POGLUT3: variants seen among roughly 807,000 people sequenced by gnomAD.
POGLUT3 encodes KDEL (Lys-Asp-Glu-Leu) containing 2.
In POGLUT3, 48 loss-of-function variants were observed where a neutral mutation model predicts 54.3. That is an observed-to-expected ratio of 0.88 (90% CI 0.70 to 1.12). The LOEUF is 1.12. Among genes scored for constraint, POGLUT3 ranks in the 50% most tolerant of loss-of-function variants. The pLI, the probability that POGLUT3 is intolerant of heterozygous loss-of-function variation, is 0.00. For synonymous variants in POGLUT3, 218 were observed against 237.4 expected, an observed-to-expected ratio of 0.92 and a Z score of 0.75; for missense variants, 629 against 618.7, an observed-to-expected ratio of 1.02 and a Z score of -0.18.
chr11:108,479,183 C>T (rs1408789735), intron 6 of POGLUT3, 118 bp downstream of exon 6: 1 of 706,660 alleles, frequency 1.4e-6, no homozygotes, highest in Non-Finnish European at 2.2e-6. Context: ...ACAGCAATTT[C>T]AGAAAATAAT....
At chr11:108,477,841 T>C in intron 6 of POGLUT3, 130 bp from the exon 7 acceptor site, 1 of 685,372 alleles carries the variant, frequency 1.5e-6, no homozygotes, top group Non-Finnish European at 2.6e-6. Context: ...CATAATGGAA[T>C]TATAACTTAA....
At chr11:108,486,987 C>T (rs1022082949) in intron 2 of POGLUT3, 1 of 152,832 alleles carries the variant, frequency 6.5e-6, no homozygotes, top group African/African-American at 2.4e-5. Context: ...GTTGAACTGA[C>T]TCTTTAAGTC....
chr11:108,484,004 C>A (rs550451341), intron 3 of POGLUT3, among the ~76,000 whole-genome samples: 76 of 152,206 alleles, frequency 5.0e-4, no homozygotes, highest in Middle Eastern at 3.4e-3. Flanking sequence ...TAATAAACTC[C>A]ACATTGGAAG....
At chr11:108,477,142 C>T (rs1051924611) in intron 7 of POGLUT3, among the ~76,000 whole-genome samples, 1 of 152,138 alleles carries the variant, frequency 6.6e-6, no homozygotes, top group African/African-American at 2.4e-5. Context: ...TGGCTCACAC[C>T]TGTATCCCAG....
intron 7 of POGLUT3, 113 bp from the exon 8 acceptor site, chr11:108,475,065 C>G (rs2093578082): frequency 1.8e-6 from 2 of 1,093,932 alleles, no homozygotes; most frequent in Admixed American, 2.2e-5. Context: ...TGTGTGTCTG[C>G]AGACTAAAAC....
At chr11:108,493,944 A>G (rs572042090) in intron 1 of POGLUT3, among the ~76,000 whole-genome samples, 28 of 152,346 alleles carry the variant, frequency 1.8e-4, no homozygotes, top group African/African-American at 6.7e-4. Flanking sequence ...AAAGTGTTAC[A>G]TCATTAGAAT....
chr11:108,482,994 A>T (rs2093595831), intron 3 of POGLUT3, among the ~76,000 whole-genome samples: 1 of 151,880 alleles, frequency 6.6e-6, no homozygotes, highest in African/African-American at 2.4e-5. Flanking sequence ...GACTCTCATC[A>T]TTTCTTGCCT....
chr11:108,477,637 C>T lies in POGLUT3; in HGVS notation c.1368G>A (p.Arg456=). ...GTACTTGGTAATAGTAGCAGTAAAGCCTGTGTGGCTGTAGTAGGTCCCTAG... is the reference window on the plus strand; with the variant it reads ...GTACTTGGTAATAGTAGCAGTAAAGTCTGTGTGGCTGTAGTAGGTCCCTAG... ...LMARDLLQPH[R]LYCYYYQVLQ... is the part of the protein sequence containing the mutation. Residue 456 remains arginine (R), a synonymous_variant, in exon 7 of 8, where the codon AGG becomes AGA. Transcript: ENST00000323468. The T allele has an allele frequency of 6.2e-7, 1 of 1,612,568 alleles. No homozygotes were observed. The highest frequency in any genetic ancestry group is 8.5e-7 in the Non-Finnish European group (1 of 1,178,652).
chr11:108,475,454 G>GTTTTTTT (rs1182179068), intron 7 of POGLUT3, among the ~76,000 whole-genome samples: 4 of 109,350 alleles, frequency 3.7e-5, no homozygotes, highest in Non-Finnish European at 5.6e-5. Flanking sequence ...TATAAATGGA[G>GTTTTTTT]TTTTTTTTGT....
At position 108,479,435 on chromosome 11, in the gene POGLUT3, G is replaced by A; in HGVS notation, c.1159C>T (p.Leu387=). The part of the protein sequence containing the change: ...VAAYRYPYLM[L]GDSLVLKQDS... ...TGCTTTAAAACCAGACTGTCGCCCA[G>A]CATGAGATATGGATATCTGTAAGCA... The change falls in exon 6 of 8, where the codon CTG becomes TTG. Residue 387 remains leucine, a synonymous_variant. Transcript: ENST00000323468. 1.2e-6 allele frequency: 2 copies of A among 1,613,148 alleles called. No homozygotes were observed. The highest frequency in any genetic ancestry group is 2.2e-5 in the South Asian group (2 of 90,868).
intron 3 of POGLUT3, among the ~76,000 whole-genome samples, chr11:108,483,350 A>T (rs1431863442): frequency 1.3e-5 from 2 of 152,130 alleles, no homozygotes; most frequent in Non-Finnish European, 2.9e-5. Flanking sequence ...TACTTATTTA[A>T]CTTGGCAGTC....
intron 5 of POGLUT3, among the ~76,000 whole-genome samples, chr11:108,479,966 TG>T (rs1019667714): frequency 3.9e-5 from 6 of 152,240 alleles, no homozygotes; most frequent in African/African-American, 1.4e-4. Context: ...CCTGAGTAGC[TG>T]GGATTACAGG....
chr11:108,475,942 C>T (rs1259692795), intron 7 of POGLUT3, among the ~76,000 whole-genome samples: 3 of 151,878 alleles, frequency 2.0e-5, no homozygotes, highest in Non-Finnish European at 4.4e-5. Context: ...TGGAGAATCA[C>T]TTGAGGAACC....
chr11:108,482,803 T>C (rs1482037126), intron 3 of POGLUT3, among the ~76,000 whole-genome samples: 1 of 151,928 alleles, frequency 6.6e-6, no homozygotes, highest in Non-Finnish European at 1.5e-5. Flanking sequence ...GAAGTGAAAA[T>C]TGTGTAGAGA....
Position 108,491,033 on chromosome 11 carries a change from C to T in POGLUT3, c.337G>A (p.Gly113Ser), listed in dbSNP as rs1344037221. Residue 113 changes from glycine to serine, a missense_variant, in exon 2 of 8, where the codon GGC (glycine) becomes AGC (serine). Gly to Ser is a moderately conservative substitution (Grantham distance 56). Transcript: ENST00000323468. ...RYRMYETVDE[G>S]LKIEVLYGDE... ...CCATAAAGGACCTCTATCTTCAGGC[C>T]TTCATCGACAGTTTCATACATCCTA... 20 of 1,613,988 alleles carry T rather than the reference C, an allele frequency of 1.2e-5. No individual in the cohort carries two copies. The highest frequency in any genetic ancestry group is 1.6e-5 in the Non-Finnish European group (19 of 1,179,984).
At chr11:108,480,101 G>T (rs1294387487) in intron 5 of POGLUT3, among the ~76,000 whole-genome samples, 1 of 152,190 alleles carries the variant, frequency 6.6e-6, no homozygotes, top group Non-Finnish European at 1.5e-5. Flanking sequence ...CTCCCAAAGT[G>T]CTGGGATTAC....
At position 108,474,798 on chromosome 11, in the gene POGLUT3, G is replaced by A. The variant is rs777352252; in HGVS notation, c.*29C>T. 2 of 1,613,100 alleles carry A rather than the reference G, an allele frequency of 1.2e-6. No individual in the cohort carries two copies. The highest frequency in any genetic ancestry group is 1.7e-6 in the Non-Finnish European group (2 of 1,179,436). ...CAATCTTTCCTTAAAGTGTAGCCGG[G>A]ATACACAGGAGTGTGATTCTGGGCT... On this transcript the variant is annotated 3_prime_UTR_variant, in exon 8 of 8. Coordinates refer to ENST00000323468, the MANE Select transcript of POGLUT3 (RefSeq NM_153705.5).
At chr11:108,475,481 T>G (rs2093579972) in intron 7 of POGLUT3, among the ~76,000 whole-genome samples, 1 of 149,410 alleles carries the variant, frequency 6.7e-6, no homozygotes, top group Non-Finnish European at 1.5e-5. Flanking sequence ...TTTTTTTTTT[T>G]TTTGAGACAC....
chr11:108,476,357 T>C (rs566382716), intron 7 of POGLUT3, among the ~76,000 whole-genome samples: 1 of 152,234 alleles, frequency 6.6e-6, no homozygotes, highest in Admixed American at 6.5e-5. Flanking sequence ...GGTCTTGAAC[T>C]CCTGACCTCA....
Sources: gnomAD v4.1 joint callset for allele counts (sites outside exome capture counted in the v4.1 genomes callset) on GRCh38, gnomAD v4.1.1 for gene constraint, MANE v1.5 for transcripts, NCBI Gene and HGNC (gene_info 2026-07-23, HGNC 2026-07-21) for gene names.